The following FDFT1 variants were observed in gnomAD, a reference collection of about 807,000 sequenced individuals.
The protein encoded by FDFT1 is squalene synthase.
FDFT1 carries 68 observed loss-of-function variants against 46.8 expected under a neutral mutation model. The ratio of observed to expected loss-of-function variants is 1.45; its 90% CI spans 1.19 to 1.78. The LOEUF (loss-of-function observed/expected upper bound fraction) is 1.78. Ranked by LOEUF, FDFT1 falls within the 40% of genes most tolerant of loss-of-function variation. The probability of loss-of-function intolerance (pLI) is 0.00; values close to 1 mark genes in which losing one functional copy is unlikely to be tolerated. For synonymous variants in FDFT1, 351 were observed against 185.1 expected, an observed-to-expected ratio of 1.90 and a Z score of -7.28; for missense variants, 928 against 524.4, an observed-to-expected ratio of 1.77 and a Z score of -7.52.
At chr8:11,798,870 T>C (rs1161608904), upstream of FDFT1, among the ~76,000 whole-genome samples, 3 of 152,204 alleles carry the variant, frequency 2.0e-5, no homozygotes, top group Non-Finnish European at 2.9e-5. Context: ...AAAAATATGA[T>C]TTATCAATTT....
At chr8:11,832,052 A>G (rs1810876158) in intron 7 of FDFT1, among the ~76,000 whole-genome samples, 1 of 152,166 alleles carries the variant, frequency 6.6e-6, no homozygotes, top group Non-Finnish European at 1.5e-5. Flanking sequence ...GCTCCCGTCC[A>G]TGTGTCCTGA....
chr8:11,811,470 C>G (rs1373152210), intron 3 of FDFT1, among the ~76,000 whole-genome samples: 1 of 152,204 alleles, frequency 6.6e-6, no homozygotes, highest in Non-Finnish European at 1.5e-5. Context: ...GCCCTATCCC[C>G]TCAGCAGAAG....
intron 3 of FDFT1, among the ~76,000 whole-genome samples, chr8:11,818,941 C>T (rs183355509): frequency 6.6e-6 from 1 of 152,170 alleles, no homozygotes; most frequent in Non-Finnish European, 1.5e-5. Context: ...CAGTTTCTTC[C>T]TAGCCTCGAT....
upstream of FDFT1, among the ~76,000 whole-genome samples, chr8:11,798,693 C>T (rs991837394): frequency 2.0e-5 from 3 of 152,162 alleles, no homozygotes; most frequent in African/African-American, 7.2e-5. Flanking sequence ...ATTGTTTAGG[C>T]ACCATCGTGT....
Position 11,839,287 on chromosome 8 carries a change from A to C in FDFT1, c.*678A>C, listed in dbSNP as rs1192828532. 6.6e-6 allele frequency: 1 copy of C among 152,540 alleles called. No individual in the cohort carries two copies. The highest frequency in any genetic ancestry group is 1.5e-5 in the Non-Finnish European group (1 of 68,328). 9.4% of individuals were successfully genotyped at this position (152,540 alleles called of 1,614,324 possible). A position where few individuals can be genotyped will look rare whatever the true frequency, so the allele number is the denominator to read the frequency against. On this transcript the variant is annotated 3_prime_UTR_variant, in exon 8 of 8. Coordinates refer to ENST00000220584, the MANE Select transcript of FDFT1 (RefSeq NM_004462.5). The stretch of plus-strand genomic sequence containing the variant: ...TTGAGATTTTTATAATAAAGAATTT[A>C]ATTGCTCTGCATTTGTCAAGTACAG...
upstream of FDFT1, chr8:11,802,369 C>A (rs1016702436): frequency 6.7e-6 from 3 of 450,864 alleles, no homozygotes; most frequent in Non-Finnish European, 4.5e-6. Context: ...ACTGCTCTCC[C>A]GACTGCGGAC....
At chr8:11,803,138 A>T in intron 1 of FDFT1, 1 of 1,422,302 alleles carries the variant, frequency 7.0e-7, no homozygotes, top group Non-Finnish European at 9.2e-7. Context: ...CTGCCCCCGC[A>T]AGCCGCCCTG....
chr8:11,802,846 A>G lies in FDFT1; in HGVS notation c.14A>G (p.Lys5Arg). Residue 5 changes from lysine to arginine, a missense_variant, in exon 1 of 8, where the codon AAA becomes AGA. Physicochemically the swap from Lys to Arg is conservative, Grantham distance 26. Transcript: ENST00000220584. MEFVKCLGHPEEFYN... is the reference protein window; with the variant it reads MEFVRCLGHPEEFYN... ...GCCTGCGCCAGGATGGAGTTCGTGAAATGCCTTGGCCACCCCGAAGAGTTC... is the reference window on the plus strand; with the variant it reads ...GCCTGCGCCAGGATGGAGTTCGTGAGATGCCTTGGCCACCCCGAAGAGTTC... 1.9e-6 allele frequency: 3 copies of G among 1,610,878 alleles called. No individual in the cohort carries two copies. The highest frequency in any genetic ancestry group is 2.5e-6 in the Non-Finnish European group (3 of 1,178,500).
At chr8:11,826,689 C>CT (rs1810041597) in intron 5 of FDFT1, among the ~76,000 whole-genome samples, 1 of 152,180 alleles carries the variant, frequency 6.6e-6, no homozygotes, top group African/African-American at 2.4e-5. Flanking sequence ...GTGGCAAGGG[C>CT]TTGTAATCCC....
At position 11,802,831 on chromosome 8, in the gene FDFT1, G is replaced by A. The variant is rs373697245; in HGVS notation, c.-2G>A. 19 of 1,608,372 alleles carry A rather than the reference G, an allele frequency of 1.2e-5. No homozygotes were observed. The African/African-American group carries it at 2.1e-4, about 18-fold the overall frequency. Reference sequence around the variant, plus strand: ...GCCCGGGAGTCCGCCGCCTGCGCCAGGATGGAGTTCGTGAAATGCCTTGGC... The same window carrying A: ...GCCCGGGAGTCCGCCGCCTGCGCCAAGATGGAGTTCGTGAAATGCCTTGGC... On this transcript the variant is annotated 5_prime_UTR_variant, in exon 1 of 8. Transcript: ENST00000220584.
intron 7 of FDFT1, among the ~76,000 whole-genome samples, chr8:11,836,400 G>T (rs1348409781): frequency 6.6e-6 from 1 of 152,196 alleles, no homozygotes; most frequent in East Asian, 1.9e-4. Context: ...CTCGCTTCCT[G>T]CCCTTGGGCT....
At chr8:11,832,254 G>T (rs34120986) in intron 7 of FDFT1, among the ~76,000 whole-genome samples, 1 of 118,088 alleles carries the variant, frequency 8.5e-6, no homozygotes, top group East Asian at 2.0e-4. Context: ...ATTTGACTAG[G>T]TTCAAAAAGT....
chr8:11,838,692 T>G lies in FDFT1; in HGVS notation c.*83T>G, dbSNP rs1811912120. On this transcript the variant is annotated 3_prime_UTR_variant, in exon 8 of 8. Transcript: ENST00000220584. The stretch of plus-strand genomic sequence containing the variant: ...AGGATGGATGTTGTGTTCTCTTTAT[T>G]TTTTTCCTACTACTTTAATCCCTAA... 9.0e-7 allele frequency: 1 copy of G among 1,109,038 alleles called. No homozygotes were observed. The highest frequency in any genetic ancestry group is 1.4e-6 in the Non-Finnish European group (1 of 731,922). 68.7% of individuals were successfully genotyped at this position (1,109,038 alleles called of 1,614,324 possible).
intron 1 of FDFT1, among the ~76,000 whole-genome samples, chr8:11,796,509 G>C (rs956478739): frequency 6.6e-6 from 1 of 152,240 alleles, no homozygotes; most frequent in Non-Finnish European, 1.5e-5. Flanking sequence ...TTCGGAGCTT[G>C]CTGTAGTAAG....
At chr8:11,808,700 C>T (rs913025371) in intron 1 of FDFT1, 94 bp from the exon 2 acceptor site, 2 of 1,499,592 alleles carry the variant, frequency 1.3e-6, no homozygotes, top group Admixed American at 2.1e-5. Flanking sequence ...TGTGGAGCCG[C>T]CTGCCCCAGT....
rs531336548 is a variant in FDFT1 at position 11,823,380 on chromosome 8, AT to A, written c.510+1511del. On this transcript the variant is annotated intron_variant, in intron 4 of 7. Coordinates refer to ENST00000220584, the MANE Select transcript of FDFT1 (RefSeq NM_004462.5). ...TTTGGATAGTACTATAGATATACTA[AT>A]TTTTTTTTAAATTTCTAGTAATTCT... Among the ~76,000 whole-genome samples the A allele has an allele frequency of 2.7e-3, 411 of 152,056 alleles. 1 individual carries two copies. Among genetic ancestry groups the A allele is most frequent in the Non-Finnish European group, 2.7e-3 (181 of 67,976 alleles).
At chr8:11,807,328 TTTTAAAAA>T (rs1250043882) in intron 1 of FDFT1, among the ~76,000 whole-genome samples, 1 of 31,188 alleles carries the variant, frequency 3.2e-5, no homozygotes, top group African/African-American at 7.0e-5. Context: ...TTAAAAAATT[TTTTAAAAA>T]CTTTTTTATG....
At chr8:11,838,345 T>C in intron 7 of FDFT1, 43 bp from the exon 8 acceptor site, 1 of 1,473,006 alleles carries the variant, frequency 6.8e-7, no homozygotes, top group Non-Finnish European at 9.5e-7. Context: ...ATGGAAAATG[T>C]AAAGCACATA....
chr8:11,801,672 A>AG, upstream of FDFT1: 1 of 301,526 alleles, frequency 3.3e-6, no homozygotes, highest in South Asian at 2.7e-5. Flanking sequence ...AACAGACTGC[A>AG]GGATGGCTTA....
Sources: allele counts gnomAD v4.1 joint callset (sites outside exome capture counted in the v4.1 genomes callset), GRCh38; gene constraint gnomAD v4.1.1; transcripts MANE v1.5; gene names NCBI Gene and HGNC (gene_info 2026-07-23, HGNC 2026-07-21).